The following PTPRT variants were observed in gnomAD, a reference collection of about 807,000 sequenced individuals.
The protein encoded by PTPRT is receptor-type tyrosine-protein phosphatase T.
A neutral mutation model predicts 176.8 loss-of-function variants in PTPRT; 56 were observed. The ratio of observed to expected loss-of-function variants is 0.32; its 90% CI spans 0.26 to 0.40. PTPRT has a LOEUF of 0.40. Ranked by LOEUF, PTPRT falls within the 10% of genes least tolerant of loss-of-function variation. PTPRT has a pLI of 1.00. For missense variants in PTPRT, 1,540 were observed against 1,908.2 expected (o/e 0.81, Z 3.60); for synonymous variants, 783 against 739.0 (o/e 1.06, Z -0.96).
chr20:42,801,849 T>G (rs1310916278), intron 2 of PTPRT, among the ~76,000 whole-genome samples: 1 of 152,038 alleles, frequency 6.6e-6, no homozygotes, highest in Non-Finnish European at 1.5e-5. Context: ...TTCTGCCTTG[T>G]GGGGGGGCTA....
intron 5 of PTPRT, among the ~76,000 whole-genome samples, chr20:42,758,779 C>T (rs1483552504): frequency 6.6e-6 from 1 of 152,192 alleles, no homozygotes; most frequent in Non-Finnish European, 1.5e-5. Flanking sequence ...CTGCAGCTTC[C>T]AAGCTATGCA....
At chr20:42,321,989 C>T (rs995328460) in intron 11 of PTPRT, among the ~76,000 whole-genome samples, 13 of 152,110 alleles carry the variant, frequency 8.5e-5, no homozygotes, top group Non-Finnish European at 1.8e-4. Flanking sequence ...AGGAGAATGC[C>T]GTGAACCCGG....
intron 7 of PTPRT, among the ~76,000 whole-genome samples, chr20:42,572,805 G>A (rs2073180154): frequency 6.6e-6 from 1 of 152,136 alleles, no homozygotes; most frequent in Non-Finnish European, 1.5e-5. Context: ...ACCACCTGGA[G>A]CAATAAAACA....
At chr20:42,114,593 C>G (rs1292507774) in intron 22 of PTPRT, among the ~76,000 whole-genome samples, 1 of 152,182 alleles carries the variant, frequency 6.6e-6, no homozygotes, top group Non-Finnish European at 1.5e-5. Context: ...TTGTCGGAGG[C>G]TGTCCTGTGC....
chr20:42,036,270 A>G, the PTPRT span, among the ~76,000 whole-genome samples: 1 of 152,242 alleles, frequency 6.6e-6, no homozygotes, highest in Non-Finnish European at 1.5e-5. Context: ...TGGACACAAC[A>G]TCAGGGCACC....
intron 23 of PTPRT, among the ~76,000 whole-genome samples, chr20:42,109,476 T>C (rs1268290525): frequency 6.6e-6 from 1 of 152,216 alleles, no homozygotes; most frequent in African/African-American, 2.4e-5. Flanking sequence ...AGGTCAGAGC[T>C]GAAAATATCT....
chr20:42,693,669 C>G (rs1230877271), intron 6 of PTPRT, among the ~76,000 whole-genome samples: 2 of 152,124 alleles, frequency 1.3e-5, no homozygotes, highest in Admixed American at 6.5e-5. Context: ...GAAAAAATAA[C>G]CTTCAACATT....
chr20:43,017,737 G>C (rs1173891350), intron 1 of PTPRT, among the ~76,000 whole-genome samples: 1 of 152,212 alleles, frequency 6.6e-6, no homozygotes, highest in Admixed American at 6.5e-5. Context: ...CCATCTGCCA[G>C]AGCTCCTGTG....
At chr20:42,494,498 G>T (rs949235126) in intron 7 of PTPRT, among the ~76,000 whole-genome samples, 7 of 152,098 alleles carry the variant, frequency 4.6e-5, no homozygotes, top group Non-Finnish European at 1.0e-4. Context: ...ACTCTCAGTT[G>T]TGGGTTTGGG....
At chr20:42,628,837 G>C (rs1022600113) in intron 7 of PTPRT, among the ~76,000 whole-genome samples, 3 of 152,162 alleles carry the variant, frequency 2.0e-5, no homozygotes, top group Non-Finnish European at 2.9e-5. Context: ...TTTCAGCAGA[G>C]TGGAGTAGTT....
intron 11 of PTPRT, among the ~76,000 whole-genome samples, chr20:42,344,311 G>C (rs1244724166): frequency 6.6e-6 from 1 of 152,170 alleles, no homozygotes; most frequent in African/African-American, 2.4e-5. Flanking sequence ...GCAACTTACG[G>C]TTCAGAGAAA....
At position 42,624,609 on chromosome 20, in the gene PTPRT, C is replaced by T. The variant is rs145801490; in HGVS notation, c.1153+53257G>A. Among the ~76,000 whole-genome samples, 664 of 152,150 alleles carry T rather than the reference C, an allele frequency of 4.4e-3. 6 individuals are homozygous for T. Among genetic ancestry groups the T allele is most frequent in the African/African-American group, 0.015 (625 of 41,510 alleles). On this transcript the variant is annotated intron_variant, in intron 7 of 30. Coordinates refer to ENST00000373187, the MANE Select transcript of PTPRT (RefSeq NM_007050.6). ...GAGGATGGGGAAAGAGTCTTGGTCC[C>T]CATAACCCAACTCAGTTCTGAATGT... is the stretch of plus-strand genomic sequence containing the variant.
At chr20:42,141,367 T>A (rs527538863) in intron 18 of PTPRT, among the ~76,000 whole-genome samples, 1 of 152,296 alleles carries the variant, frequency 6.6e-6, no homozygotes, top group East Asian at 1.9e-4. Context: ...CTTCTGAGCA[T>A]CAGCCTTTAC....
At position 42,872,895 on chromosome 20, in the gene PTPRT, G is replaced by A. The variant is rs2078869645; in HGVS notation, c.214+12912C>T. On this transcript the variant is annotated intron_variant, in intron 2 of 30. Coordinates refer to ENST00000373187, the MANE Select transcript of PTPRT (RefSeq NM_007050.6). Reference sequence around the variant, plus strand: ...TGACAGATCTGGGATGAGTTCCCAGGGATGCTTCCTTAGCCACTAGGCAGA... The same window carrying A: ...TGACAGATCTGGGATGAGTTCCCAGAGATGCTTCCTTAGCCACTAGGCAGA... Among the ~76,000 whole-genome samples, 4 of 152,236 alleles carry A rather than the reference G, an allele frequency of 2.6e-5. No homozygotes were observed. The South Asian group carries it at 6.2e-4, about 24-fold the overall frequency.
intron 1 of PTPRT, among the ~76,000 whole-genome samples, chr20:43,019,457 A>G (rs1157453485): frequency 2.0e-5 from 3 of 151,866 alleles, no homozygotes; most frequent in Non-Finnish European, 2.9e-5. Flanking sequence ...CATCTCTATT[A>G]AAAATACAAA....
At chr20:42,143,725 G>C (rs1282352012) in intron 17 of PTPRT, among the ~76,000 whole-genome samples, 2 of 152,170 alleles carry the variant, frequency 1.3e-5, no homozygotes, top group South Asian at 2.1e-4. Context: ...AACAAGTCAG[G>C]CACAAGTAGT....
intron 9 of PTPRT, among the ~76,000 whole-genome samples, chr20:42,418,056 C>T (rs542362068): frequency 3.4e-4 from 51 of 152,142 alleles, no homozygotes; most frequent in African/African-American, 1.2e-3. Context: ...CCCCTCATTA[C>T]GCAAATAAGG....
At chr20:42,883,695 C>CCCCAA (rs2079042338) in intron 2 of PTPRT, among the ~76,000 whole-genome samples, 3 of 144,592 alleles carry the variant, frequency 2.1e-5, no homozygotes, top group African/African-American at 5.1e-5. Flanking sequence ...ACACACACAC[C>CCCCAA]TCCCATACAC....
intron 2 of PTPRT, among the ~76,000 whole-genome samples, chr20:42,798,513 C>G (rs1348633926): frequency 6.6e-6 from 1 of 152,080 alleles, no homozygotes; most frequent in East Asian, 1.9e-4. Context: ...CAACATTATT[C>G]TTATTATCTA....
Sources: allele counts gnomAD v4.1 joint callset (sites outside exome capture counted in the v4.1 genomes callset), GRCh38; gene constraint gnomAD v4.1.1; transcripts MANE v1.5; gene names NCBI Gene and HGNC (gene_info 2026-07-23, HGNC 2026-07-21).